The following PAX7 variants were observed in gnomAD, a reference collection of about 807,000 sequenced individuals.
PAX7 encodes the protein paired box 7.
PAX7 carries 18 observed loss-of-function variants against 50.7 expected under a neutral mutation model. The observed-to-expected ratio is 0.36, with a 90% confidence interval of 0.25 to 0.53. The LOEUF (loss-of-function observed/expected upper bound fraction) is 0.53, where lower values mean the gene tolerates loss of function less well. Ranked by LOEUF, PAX7 falls within the 20% of genes least tolerant of loss-of-function variation. The probability of loss-of-function intolerance (pLI) is 0.93; values close to 1 mark genes in which losing one functional copy is unlikely to be tolerated. For synonymous variants in PAX7, 310 were observed against 290.4 expected (o/e 1.07, Z -0.69); for missense variants, 644 against 702.9 (o/e 0.92, Z 0.95).
At chr1:18,697,352 C>T (rs2282704) in intron 5 of PAX7, among the ~76,000 whole-genome samples, 8,635 of 152,192 alleles carry the variant, frequency 0.057, 424 homozygotes, top group East Asian at 0.25. Flanking sequence ...TCTCTGTAAA[C>T]GGGCAGCTCA....
intron 4 of PAX7, among the ~76,000 whole-genome samples, chr1:18,677,812 A>G (rs544449342): frequency 3.3e-5 from 5 of 152,230 alleles, no homozygotes; most frequent in South Asian, 4.2e-4. Context: ...AGCCAGGCGC[A>G]GTGGCTCACG....
At position 18,727,371 on chromosome 1, in the gene PAX7, TACACAC is replaced by T. The variant is rs56258552; in HGVS notation, c.1156-8227_1156-8222del. ...TCATCCTCTCTCTCTCTCTCTCTCATACACACACACACACACACACACACACACACA... is the reference window on the plus strand; with the variant it reads ...TCATCCTCTCTCTCTCTCTCTCTCATACACACACACACACACACACACACA... On this transcript the variant is annotated intron_variant, in intron 7 of 8. Transcript: ENST00000420770. 7.1e-3 allele frequency among the ~76,000 whole-genome samples: 957 copies of T among 134,040 alleles called. 6 individuals carry two copies. Among genetic ancestry groups the T allele is most frequent in the South Asian group, 0.012 (45 of 3,806 alleles). 87.9% of individuals were successfully genotyped at this position (134,040 alleles called of 152,430 possible). A position where few individuals can be genotyped will look rare whatever the true frequency, so the allele number is the denominator to read the frequency against.
chr1:18,707,223 T>G (rs916961863), intron 7 of PAX7, among the ~76,000 whole-genome samples: 2 of 152,050 alleles, frequency 1.3e-5, no homozygotes, highest in African/African-American at 2.4e-5. Flanking sequence ...AAATATAATT[T>G]TAAAAGGCAT....
At chr1:18,714,032 G>A (rs970705597) in intron 7 of PAX7, among the ~76,000 whole-genome samples, 1 of 152,042 alleles carries the variant, frequency 6.6e-6, no homozygotes, top group Non-Finnish European at 1.5e-5. Flanking sequence ...CCAGCATGGT[G>A]AAACCCCGTC....
chr1:18,707,408 TTTCTTTC>T (rs2089296941), intron 7 of PAX7, among the ~76,000 whole-genome samples: 1 of 99,018 alleles, frequency 1.0e-5, no homozygotes, highest in African/African-American at 3.5e-5. Flanking sequence ...CTTTTCTTTT[TTTCTTTC>T]TTTTTTTTTT....
At chr1:18,648,737 G>A (rs1417563759) in intron 4 of PAX7, among the ~76,000 whole-genome samples, 1 of 152,198 alleles carries the variant, frequency 6.6e-6, no homozygotes, top group Admixed American at 6.5e-5. Flanking sequence ...GCTAAGTTAA[G>A]GAGGTAGGAC....
intron 4 of PAX7, among the ~76,000 whole-genome samples, chr1:18,691,444 C>A (rs1186668663): frequency 6.6e-6 from 1 of 152,154 alleles, no homozygotes; most frequent in African/African-American, 2.4e-5. Flanking sequence ...TGGAAATAAA[C>A]AAAATGCCCA....
intron 4 of PAX7, among the ~76,000 whole-genome samples, chr1:18,638,706 G>A (rs2088200499): frequency 6.6e-6 from 1 of 152,222 alleles, no homozygotes; most frequent in Admixed American, 6.5e-5. Flanking sequence ...GGAGTGTGTA[G>A]ATGGGTGTGA....
intron 6 of PAX7, among the ~76,000 whole-genome samples, chr1:18,701,148 C>T (rs2089214459): frequency 1.3e-5 from 2 of 152,186 alleles, no homozygotes; most frequent in African/African-American, 4.8e-5. Context: ...AATGCCCAAG[C>T]TGGTGGAGCA....
chr1:18,731,625 C>T (rs1444354325), intron 7 of PAX7, among the ~76,000 whole-genome samples: 1 of 152,124 alleles, frequency 6.6e-6, no homozygotes, highest in East Asian at 1.9e-4. Context: ...CAGTTGGGTC[C>T]TGTCCCATTA....
chr1:18,678,386 C>G (rs2088853669), intron 4 of PAX7, among the ~76,000 whole-genome samples: 1 of 151,320 alleles, frequency 6.6e-6, no homozygotes. Flanking sequence ...ACAACAAGAG[C>G]AAAACTCTAT....
intron 4 of PAX7, among the ~76,000 whole-genome samples, chr1:18,684,516 AC>A (rs1042451324): frequency 4.6e-5 from 7 of 152,134 alleles, no homozygotes; most frequent in African/African-American, 1.7e-4. Flanking sequence ...AGCCCCGTAC[AC>A]CGTGCGCTGG....
chr1:18,637,921 C>T (rs914790078), intron 4 of PAX7, among the ~76,000 whole-genome samples: 2 of 152,362 alleles, frequency 1.3e-5, no homozygotes, highest in East Asian at 3.9e-4. Context: ...GGCAGCCCTG[C>T]ACTGCCAAGC....
chr1:18,631,643 C>T lies in PAX7; in HGVS notation c.40C>T (p.Pro14Ser), dbSNP rs778012759. 6.2e-7 allele frequency: 1 copy of T among 1,613,072 alleles called. No individual in the cohort carries two copies. The highest frequency in any genetic ancestry group is 8.5e-7 in the Non-Finnish European group (1 of 1,179,882). ...LPGTVPRMMR[P>S]APGQNYPRTG... ...CGGCACGGTACCGAGAATGATGCGGCCGGCTCCGGGGCAGAACTACCCCCG... is the reference window on the plus strand; with the variant it reads ...CGGCACGGTACCGAGAATGATGCGGTCGGCTCCGGGGCAGAACTACCCCCG... Residue 14 changes from proline (P) to serine (S), a missense_variant, in exon 1 of 9, where the codon CCG becomes TCG. Physicochemically the swap from Pro to Ser is moderately conservative, Grantham distance 74. Coordinates refer to ENST00000420770, the MANE Select transcript of PAX7 (RefSeq NM_001135254.2).
chr1:18,649,184 C>T (rs532271966), intron 4 of PAX7, among the ~76,000 whole-genome samples: 2 of 152,164 alleles, frequency 1.3e-5, no homozygotes, highest in Non-Finnish European at 2.9e-5. Flanking sequence ...GGGAAGGCCA[C>T]TCTGGTCTGC....
At chr1:18,643,366 G>A (rs1464273402) in intron 4 of PAX7, among the ~76,000 whole-genome samples, 1 of 152,192 alleles carries the variant, frequency 6.6e-6, no homozygotes, top group Admixed American at 6.5e-5. Flanking sequence ...CAAGGGAGGG[G>A]TGGGGAGAGG....
intron 7 of PAX7, among the ~76,000 whole-genome samples, chr1:18,714,781 CTCCT>C (rs2089398161): frequency 6.6e-6 from 1 of 152,252 alleles, no homozygotes; most frequent in Admixed American, 6.5e-5. Flanking sequence ...ACATCCGCAC[CTCCT>C]TCCTGCCTCC....
chr1:18,694,509 T>A lies in PAX7; in HGVS notation c.786+2556T>A, dbSNP rs538624172. ...ATAAATAAATAAATAAATAAATAAATATAAAATAAAATAAATCAAGAACAT... is the reference window on the plus strand; with the variant it reads ...ATAAATAAATAAATAAATAAATAAAAATAAAATAAAATAAATCAAGAACAT... On this transcript the variant is annotated intron_variant, in intron 5 of 8. Coordinates refer to ENST00000420770, the MANE Select transcript of PAX7 (RefSeq NM_001135254.2). 4.7e-3 allele frequency among the ~76,000 whole-genome samples: 673 copies of A among 142,874 alleles called. 3 individuals carry two copies. The highest frequency in any genetic ancestry group is 8.9e-3 in the Non-Finnish European group (577 of 64,820). The allele number at this position is 142,874 out of a possible 152,430, so 93.7% of individuals were successfully genotyped here.
chr1:18,697,855 C>A (rs1006215880), intron 5 of PAX7, among the ~76,000 whole-genome samples: 1 of 150,792 alleles, frequency 6.6e-6, no homozygotes, highest in Non-Finnish European at 1.5e-5. Context: ...CTCTTTGACT[C>A]GTGCCCAGGC....
Sources: allele counts gnomAD v4.1 joint callset (sites outside exome capture counted in the v4.1 genomes callset), GRCh38; gene constraint gnomAD v4.1.1; transcripts MANE v1.5; gene names NCBI Gene and HGNC (gene_info 2026-07-23, HGNC 2026-07-21).